The following SYT9 variants were observed in gnomAD, a reference collection of about 807,000 sequenced individuals.
The protein encoded by SYT9 is synaptotagmin 9.
SYT9 carries 22 observed loss-of-function variants against 48.4 expected under a neutral mutation model. That is an observed-to-expected ratio of 0.45 (90% confidence interval 0.32 to 0.65). SYT9 has a LOEUF of 0.65. Among genes scored for constraint, SYT9 ranks in the 30% least tolerant of loss-of-function variants. The probability of loss-of-function intolerance (pLI) is 0.03; values close to 1 mark genes in which losing one functional copy is unlikely to be tolerated. For missense variants in SYT9, 577 were observed against 622.0 expected, an observed-to-expected ratio of 0.93 and a Z score of 0.77; for synonymous variants, 265 against 245.0, an observed-to-expected ratio of 1.08 and a Z score of -0.76.
chr11:7,308,897 A>G (rs1849080891), intron 2 of SYT9, among the ~76,000 whole-genome samples: 1 of 152,212 alleles, frequency 6.6e-6, no homozygotes, highest in Admixed American at 6.5e-5. Flanking sequence ...ACTAACCTAG[A>G]GCTGGGACTA....
intron 3 of SYT9, among the ~76,000 whole-genome samples, chr11:7,406,559 T>TATATATATAC (rs922664189): frequency 2.0e-4 from 29 of 146,702 alleles, no homozygotes; most frequent in African/African-American, 7.1e-4. Context: ...TATATATATA[T>TATATATATAC]ATATATATAG....
upstream of SYT9, among the ~76,000 whole-genome samples, chr11:7,251,632 T>G (rs1403691530): frequency 6.6e-6 from 1 of 152,056 alleles, no homozygotes; most frequent in Non-Finnish European, 1.5e-5. Flanking sequence ...TTGGACACAC[T>G]CGGCGGTGGG....
chr11:7,342,641 C>G (rs1012545269), intron 3 of SYT9, among the ~76,000 whole-genome samples: 1 of 152,202 alleles, frequency 6.6e-6, no homozygotes, highest in Admixed American at 6.5e-5. Flanking sequence ...GCAGCCTTTC[C>G]AGGTGCACAG....
At chr11:7,365,614 A>G (rs1182216157) in intron 3 of SYT9, among the ~76,000 whole-genome samples, 4 of 151,702 alleles carry the variant, frequency 2.6e-5, no homozygotes, top group Non-Finnish European at 5.9e-5. Flanking sequence ...TTAAAAAAAT[A>G]AATGAATGAA....
intron 3 of SYT9, among the ~76,000 whole-genome samples, chr11:7,332,093 G>T (rs1849544771): frequency 6.6e-6 from 1 of 152,186 alleles, no homozygotes; most frequent in Non-Finnish European, 1.5e-5. Flanking sequence ...GTGAAGGACT[G>T]CCCTCAAGTG....
At chr11:7,415,673 C>A (rs935587808) in intron 3 of SYT9, among the ~76,000 whole-genome samples, 6 of 152,038 alleles carry the variant, frequency 3.9e-5, no homozygotes, top group African/African-American at 1.5e-4. Context: ...ATGAGTGGAG[C>A]CACATAGGGG....
intron 3 of SYT9, among the ~76,000 whole-genome samples, chr11:7,328,096 A>T (rs931449181): frequency 5.9e-5 from 2 of 34,182 alleles, no homozygotes; most frequent in Middle Eastern, 0.022. Flanking sequence ...AATAATAATA[A>T]TAATTTTAAA....
intron 3 of SYT9, among the ~76,000 whole-genome samples, chr11:7,324,755 A>G (rs533108142): frequency 4.4e-4 from 67 of 151,984 alleles, no homozygotes; most frequent in African/African-American, 1.4e-3. Flanking sequence ...TATGGAGTGT[A>G]TTTTATAGAT....
At chr11:7,291,495 G>C (rs1247622623) in intron 1 of SYT9, among the ~76,000 whole-genome samples, 1 of 152,144 alleles carries the variant, frequency 6.6e-6, no homozygotes, top group Non-Finnish European at 1.5e-5. Context: ...GCAGCCTGCA[G>C]ATACTCACAC....
chr11:7,465,571 G>A (rs1279761799), intron 6 of SYT9, among the ~76,000 whole-genome samples: 1 of 152,208 alleles, frequency 6.6e-6, no homozygotes, highest in African/African-American at 2.4e-5. Flanking sequence ...AAACACAAGA[G>A]ATACTGCTAG....
chr11:7,388,280 T>C (rs1850698722), intron 3 of SYT9, among the ~76,000 whole-genome samples: 1 of 152,186 alleles, frequency 6.6e-6, no homozygotes, highest in African/African-American at 2.4e-5. Context: ...AATCTATGGG[T>C]ATAAAGTTGT....
intron 3 of SYT9, among the ~76,000 whole-genome samples, chr11:7,382,890 G>A (rs1266362435): frequency 6.6e-6 from 1 of 152,186 alleles, no homozygotes; most frequent in East Asian, 1.9e-4. Context: ...GTGAGGCTGC[G>A]GAGCTTGCCG....
chr11:7,367,622 C>T lies in SYT9; in HGVS notation c.1045-48420C>T, dbSNP rs566382159. On this transcript the variant is annotated intron_variant, in intron 3 of 6. Transcript: ENST00000318881. ...TTCCTTTTCTTCTTTTGTGACTTGC[C>T]TGCTTCTTTTTTACTCATTTTTGTA... Among the ~76,000 whole-genome samples the T allele has an allele frequency of 5.3e-5, 8 of 151,910 alleles. No homozygotes were observed. The South Asian group carries it at 1.7e-3, about 32-fold the overall frequency.
At chr11:7,386,590 AC>A (rs1254793230) in intron 3 of SYT9, among the ~76,000 whole-genome samples, 1 of 152,198 alleles carries the variant, frequency 6.6e-6, no homozygotes, top group Non-Finnish European at 1.5e-5. Flanking sequence ...AATCAAAACC[AC>A]TATGAGATAC....
rs566549150 is a variant in SYT9, at chr11:7,436,613, T to C, written c.1467+15978T>C. On this transcript the variant is annotated intron_variant, in intron 6 of 6. Coordinates refer to ENST00000318881, the MANE Select transcript of SYT9 (RefSeq NM_175733.4). ...ACTTGTTTAATACAGTGGTGTCCAG[T>C]TGGTTTTTTTGTTTGTTTGTTTGTT... Among the ~76,000 whole-genome samples, 3 of 151,564 alleles carry C rather than the reference T, an allele frequency of 2.0e-5. No individual in the cohort carries two copies. In the East Asian group the frequency reaches 5.8e-4, roughly 29 times the overall value.
intron 6 of SYT9, among the ~76,000 whole-genome samples, chr11:7,459,235 G>A (rs1208038829): frequency 6.6e-6 from 1 of 152,210 alleles, no homozygotes; most frequent in East Asian, 1.9e-4. Flanking sequence ...TAGGTTTGAA[G>A]CAACTATTGG....
rs146527472 is a variant in SYT9 at position 7,391,777 on chromosome 11, G to T, written c.1045-24265G>T. Among the ~76,000 whole-genome samples the T allele has an allele frequency of 7.8e-4, 80 of 102,236 alleles. 1 individual carries two copies. The highest frequency in any genetic ancestry group is 2.1e-3 in the African/African-American group (69 of 32,678). 67.1% of individuals were successfully genotyped at this position (102,236 alleles called of 152,430 possible). A position where few individuals can be genotyped will look rare whatever the true frequency, so the allele number is the denominator to read the frequency against. ...AAAAAAAAAAAAAACCTAGCTAGGCGTGGTGGCATACGCCTGTAGTCCCAG... is the reference window on the plus strand; with the variant it reads ...AAAAAAAAAAAAAACCTAGCTAGGCTTGGTGGCATACGCCTGTAGTCCCAG... On this transcript the variant is annotated intron_variant, in intron 3 of 6. Transcript: ENST00000318881.
At chr11:7,401,910 G>A (rs1013550865) in intron 3 of SYT9, among the ~76,000 whole-genome samples, 2 of 150,818 alleles carry the variant, frequency 1.3e-5, no homozygotes, top group Non-Finnish European at 3.0e-5. Flanking sequence ...TGTTTTTCAT[G>A]TTCCTTAAGT....
At chr11:7,369,782 CACACACACACAA>C (rs1022049050) in intron 3 of SYT9, among the ~76,000 whole-genome samples, 2 of 111,962 alleles carry the variant, frequency 1.8e-5, no homozygotes, top group Non-Finnish European at 3.5e-5. Flanking sequence ...ACACACCACA[CACACACACACAA>C]ACACACACAC....
Sources: gnomAD v4.1 joint callset for allele counts (sites outside exome capture counted in the v4.1 genomes callset) on GRCh38, gnomAD v4.1.1 for gene constraint, MANE v1.5 for transcripts, NCBI Gene and HGNC (gene_info 2026-07-23, HGNC 2026-07-21) for gene names.